Variants in TPO observed in about 807,000 individuals in gnomAD.
TPO encodes the protein thyroid peroxidase.
A neutral mutation model predicts 96.9 loss-of-function variants in TPO; 78 were observed. That is an observed-to-expected ratio of 0.81 (90% CI 0.67 to 0.97). TPO has a LOEUF of 0.97. Ranked by LOEUF, TPO falls within the 50% of genes least tolerant of loss-of-function variation. The pLI is 0.00. For missense variants in TPO, 1,252 were observed against 1,274.8 expected (o/e 0.98, Z 0.27); for synonymous variants, 547 against 538.0 (o/e 1.02, Z -0.23).
At chr2:1,418,307 G>A (rs879370200) in intron 2 of TPO, among the ~76,000 whole-genome samples, 2 of 151,220 alleles carry the variant, frequency 1.3e-5, no homozygotes, top group Non-Finnish European at 2.9e-5. Context: ...AAAAGAGAGA[G>A]AGAGAAAAAA....
chr2:1,473,345 T>C (rs1669610619), intron 7 of TPO, among the ~76,000 whole-genome samples: 1 of 152,194 alleles, frequency 6.6e-6, no homozygotes, highest in Non-Finnish European at 1.5e-5. Context: ...AGATAGCACT[T>C]TGTCACAGAA....
chr2:1,398,660 G>A (rs1662121559), intron 1 of TPO, among the ~76,000 whole-genome samples: 2 of 152,188 alleles, frequency 1.3e-5, no homozygotes, highest in South Asian at 4.1e-4. Context: ...AATATCACCT[G>A]GTTCATGTGC....
At chr2:1,448,281 C>G (rs1055152697) in intron 5 of TPO, among the ~76,000 whole-genome samples, 5 of 152,230 alleles carry the variant, frequency 3.3e-5, no homozygotes, top group African/African-American at 1.2e-4. Flanking sequence ...TCGCTGTGCT[C>G]CACGCAGCTC....
At chr2:1,414,235 C>T (rs1662645238) in intron 1 of TPO, 173 bp from the exon 2 acceptor site, 2 of 663,104 alleles carry the variant, frequency 3.0e-6, no homozygotes, top group Admixed American at 4.3e-5. Flanking sequence ...AACCTCCTGA[C>T]ATGGACGGCG....
intron 5 of TPO, among the ~76,000 whole-genome samples, chr2:1,446,879 T>C (rs1480681323): frequency 6.6e-6 from 1 of 152,212 alleles, no homozygotes; most frequent in African/African-American, 2.4e-5. Flanking sequence ...GAAGGTATTT[T>C]TCTTGTGTTT....
chr2:1,537,470 T>C (rs61547911), intron 15 of TPO, among the ~76,000 whole-genome samples: 5,368 of 43,438 alleles, frequency 0.12, 10 homozygotes, highest in South Asian at 0.14. Context: ...TGCAACCTCC[T>C]CAAATTCTTC....
chr2:1,389,700 G>C (rs1253815044), intron 1 of TPO, among the ~76,000 whole-genome samples: 2 of 152,040 alleles, frequency 1.3e-5, no homozygotes, highest in African/African-American at 4.8e-5. Flanking sequence ...ATAATCCATT[G>C]TCCTCCCCTC....
chr2:1,526,662 C>A (rs1476174477), intron 15 of TPO, among the ~76,000 whole-genome samples: 1 of 141,170 alleles, frequency 7.1e-6, no homozygotes, highest in Non-Finnish European at 1.5e-5. Context: ...CCCTAAATCC[C>A]CCAAACTGTG....
chr2:1,473,686 TTTA>T (rs1465387311), intron 7 of TPO, among the ~76,000 whole-genome samples: 1 of 152,168 alleles, frequency 6.6e-6, no homozygotes, highest in Non-Finnish European at 1.5e-5. Flanking sequence ...TTAATGATGT[TTTA>T]TGATTTTCTT....
intron 14 of TPO, 34 bp from the exon 15 acceptor site, chr2:1,516,849 G>A (rs762483642): frequency 4.4e-6 from 7 of 1,608,536 alleles, no homozygotes; most frequent in Middle Eastern, 1.8e-4. Context: ...GGCCCTGGAA[G>A]GTTCTTCTAA....
At chr2:1,539,354 C>T (rs770148599) in intron 15 of TPO, among the ~76,000 whole-genome samples, 1 of 152,138 alleles carries the variant, frequency 6.6e-6, no homozygotes, top group South Asian at 2.1e-4. Context: ...AACTGAGATG[C>T]GGAGAGGTCA....
At position 1,507,027 on chromosome 2, in the gene TPO, G is replaced by T. The variant is rs1307622337; in HGVS notation, c.2518+2948G>T. Among the ~76,000 whole-genome samples, 17 of 151,912 alleles carry T rather than the reference G, an allele frequency of 1.1e-4. No individual in the cohort carries two copies. The South Asian group carries it at 2.5e-3, about 22-fold the overall frequency. On this transcript the variant is annotated intron_variant, in intron 14 of 16. Coordinates refer to ENST00000329066, the MANE Select transcript of TPO (RefSeq NM_001206744.2). ...GTTTTTATGGTTTTAGGTCTAACATGTAAGTCTTTAATCCATCTTGAATTA... is the reference window on the plus strand; with the variant it reads ...GTTTTTATGGTTTTAGGTCTAACATTTAAGTCTTTAATCCATCTTGAATTA...
At position 1,477,554 on chromosome 2, in the gene TPO, G is replaced by A. The variant is rs764019741; in HGVS notation, c.1288G>A (p.Ala430Thr). 4.6e-6 allele frequency: 7 copies of A among 1,536,106 alleles called. No individual in the cohort carries two copies. The South Asian group carries it at 5.9e-5, about 13-fold the overall frequency. The change falls in exon 8 of 17, where the codon GCG (alanine) becomes ACG (threonine). Residue 430 changes from alanine to threonine, a missense_variant. Coordinates refer to ENST00000329066, the MANE Select transcript of TPO (RefSeq NM_001206744.2). Reference sequence around the variant, plus strand: ...CAAGGCCCTCAATGCGCACTGGAGCGCGGACGCCGTGTACCAGGAGGCGCG... The same window carrying A: ...CAAGGCCCTCAATGCGCACTGGAGCACGGACGCCGTGTACCAGGAGGCGCG... ...ALKALNAHWSADAVYQEARKV... is the reference protein window; with the variant it reads ...ALKALNAHWSTDAVYQEARKV...
At chr2:1,449,039 A>C (rs1667086781) in intron 5 of TPO, among the ~76,000 whole-genome samples, 1 of 152,204 alleles carries the variant, frequency 6.6e-6, no homozygotes, top group Non-Finnish European at 1.5e-5. Context: ...GCCATTCTGC[A>C]CTAAGCCTCT....
chr2:1,512,969 CTG>C (rs1393278488), intron 14 of TPO, among the ~76,000 whole-genome samples: 1 of 152,350 alleles, frequency 6.6e-6, no homozygotes, highest in African/African-American at 2.4e-5. Context: ...ACAAGCCTAA[CTG>C]TTGTTGCACG....
chr2:1,464,600 C>G (rs552931797), intron 7 of TPO, among the ~76,000 whole-genome samples: 1 of 152,246 alleles, frequency 6.6e-6, no homozygotes, highest in East Asian at 1.9e-4. Context: ...GCCATTCTTG[C>G]CAGAGTAAGG....
intron 14 of TPO, among the ~76,000 whole-genome samples, chr2:1,515,540 A>G (rs1458411903): frequency 6.6e-6 from 1 of 152,188 alleles, no homozygotes; most frequent in African/African-American, 2.4e-5. Context: ...CTTGTATCCA[A>G]CAAATGCTTG....
intron 1 of TPO, among the ~76,000 whole-genome samples, chr2:1,407,946 G>T (rs1271211592): frequency 2.0e-5 from 3 of 152,172 alleles, no homozygotes; most frequent in Non-Finnish European, 4.4e-5. Context: ...TACTTGATCT[G>T]GTTGTATTCT....
upstream of TPO, among the ~76,000 whole-genome samples, chr2:1,408,473 T>A (rs1662278471): frequency 6.6e-6 from 1 of 152,144 alleles, no homozygotes; most frequent in African/African-American, 2.4e-5. Context: ...GAATCCTGGT[T>A]CAGTGAGCTT....
Sources: allele counts gnomAD v4.1 joint callset (sites outside exome capture counted in the v4.1 genomes callset), GRCh38; gene constraint gnomAD v4.1.1; transcripts MANE v1.5; gene names NCBI Gene and HGNC (gene_info 2026-07-23, HGNC 2026-07-21).